VCAN: variants seen among roughly 807,000 people sequenced by gnomAD.
VCAN encodes versican core protein.
In VCAN, 44 loss-of-function variants were observed where a neutral mutation model predicts 245.5. That is an observed-to-expected ratio of 0.18 (90% CI 0.14 to 0.23). The LOEUF (loss-of-function observed/expected upper bound fraction) is 0.23, where lower values mean the gene tolerates loss of function less well. Among genes scored for constraint, VCAN ranks in the 10% least tolerant of loss-of-function variants. VCAN has a pLI of 1.00. For missense variants in VCAN, 3,793 were observed against 4,057.9 expected (o/e 0.93, Z 1.77); for synonymous variants, 1,413 against 1,437.0 (o/e 0.98, Z 0.38).
At chr5:83,524,940 C>T (rs1484208610) in intron 7 of VCAN, among the ~76,000 whole-genome samples, 1 of 151,962 alleles carries the variant, frequency 6.6e-6, no homozygotes, top group Non-Finnish European at 1.5e-5. Flanking sequence ...ATAGAATACA[C>T]CTTTATATAT....
Position 83,519,925 on chromosome 5 carries a change from C to A in VCAN, c.1619C>A (p.Ser540Tyr). 1 of 1,614,092 alleles carries A rather than the reference C, an allele frequency of 6.2e-7. No individual in the cohort carries two copies. The change falls in exon 7 of 15, where the codon TCT (serine) becomes TAT (tyrosine). Residue 540 changes from serine to tyrosine, a missense_variant. Coordinates refer to ENST00000265077, the MANE Select transcript of VCAN (RefSeq NM_004385.5). ...KTEKKMVSTV[S>Y]ELVTTGHYGF... ...GAAAAGAAAATGGTAAGCACTGTTT[C>A]TGAATTGGTAACCACAGGTCACTAT...
rs1273423282 is a variant in VCAN at position 83,521,329 on chromosome 5, A to C, written c.3023A>C (p.Asp1008Ala). Residue 1008 changes from aspartate to alanine, a missense_variant, in exon 7 of 15, where the codon GAT (aspartate) becomes GCT (alanine). Coordinates refer to ENST00000265077, the MANE Select transcript of VCAN (RefSeq NM_004385.5). ...CCCTCTCAAGACATACTTGTCATTGATCAGACTCGCCTTGAAGCGACTATT... is the reference window on the plus strand; with the variant it reads ...CCCTCTCAAGACATACTTGTCATTGCTCAGACTCGCCTTGAAGCGACTATT... ...GEPSQDILVI[D>A]QTRLEATISP... 2.5e-6 allele frequency: 4 copies of C among 1,614,018 alleles called. No homozygotes were observed. The highest frequency in any genetic ancestry group is 3.4e-6 in the Non-Finnish European group (4 of 1,179,992).
chr5:83,479,469 C>T (rs1257862729), intron 1 of VCAN, among the ~76,000 whole-genome samples: 1 of 152,122 alleles, frequency 6.6e-6, no homozygotes, highest in East Asian at 1.9e-4. Flanking sequence ...GTACCCTGTA[C>T]CTGGATTGTT....
chr5:83,555,402 C>A (rs1451117828), intron 12 of VCAN, among the ~76,000 whole-genome samples: 1 of 152,168 alleles, frequency 6.6e-6, no homozygotes, highest in Non-Finnish European at 1.5e-5. Flanking sequence ...TAAAAAAATA[C>A]CTTTCCGTCT....
chr5:83,550,115 A>G (rs934455948), intron 10 of VCAN, among the ~76,000 whole-genome samples: 1 of 152,182 alleles, frequency 6.6e-6, no homozygotes, highest in African/African-American at 2.4e-5. Flanking sequence ...GCCCTTGCCA[A>G]AGTCAGTGAT....
In VCAN at chr5:83,541,893, G is replaced by A. The variant is rs867199496; in HGVS notation, c.8890G>A (p.Asp2964Asn). ...PEAGTVITTADEIELEGATQW... is the reference protein window; with the variant it reads ...PEAGTVITTANEIELEGATQW... ...GGCTGGAACTGTTATTACAACTGCC[G>A]ATGAAATTGAATTAGAAGGTGCTAC... Residue 2964 changes from aspartate to asparagine, a missense_variant, in exon 8 of 15, where the codon GAT (aspartate) becomes AAT (asparagine). This residue lies in a region of VCAN where 3,182 missense variants were observed against 3,250.3 expected (regional missense o/e 0.98). Transcript: ENST00000265077. The A allele has an allele frequency of 2.5e-6, 4 of 1,614,002 alleles. No individual in the cohort carries two copies. The highest frequency in any genetic ancestry group is 2.2e-5 in the East Asian group (1 of 44,856).
intron 7 of VCAN, among the ~76,000 whole-genome samples, chr5:83,523,809 G>T (rs1466873808): frequency 6.6e-6 from 1 of 152,002 alleles, no homozygotes; most frequent in Non-Finnish European, 1.5e-5. Context: ...CCATCTCTCG[G>T]AACTGGTGTA....
intron 2 of VCAN, among the ~76,000 whole-genome samples, chr5:83,489,267 G>A (rs970817275): frequency 1.3e-5 from 2 of 152,214 alleles, no homozygotes; most frequent in Admixed American, 1.3e-4. Context: ...GAGGCTGGAA[G>A]ATAGAGAGGA....
chr5:83,506,926 A>G (rs946069246), intron 5 of VCAN, among the ~76,000 whole-genome samples: 2 of 152,104 alleles, frequency 1.3e-5, no homozygotes, highest in African/African-American at 4.8e-5. Context: ...AGACTTATTA[A>G]CTATCATGAG....
chr5:83,538,861 C>A lies in VCAN; in HGVS notation c.5858C>A (p.Thr1953Lys). 6.2e-7 allele frequency: 1 copy of A among 1,613,964 alleles called. No individual in the cohort carries two copies. The highest frequency in any genetic ancestry group is 8.5e-7 in the Non-Finnish European group (1 of 1,179,952). The part of the protein sequence containing the change: ...TVSHPIAKEE[T>K]VMMEGSGDAA... ...TCTCATCCCATAGCAAAAGAAGAAA[C>A]GGTAATGATGGAAGGCTCTGGAGAT... Residue 1953 changes from threonine (T) to lysine (K), a missense_variant, in exon 8 of 15, where the codon ACG (threonine) becomes AAG (lysine). Around this residue, in one of 5 missense-constraint regions of VCAN, gnomAD observed 3,182 missense variants for 3,250.3 expected, o/e 0.98. Coordinates refer to ENST00000265077, the MANE Select transcript of VCAN (RefSeq NM_004385.5).
chr5:83,539,204 A>G lies in VCAN; in HGVS notation c.6201A>G (p.Glu2067=), dbSNP rs780184359. 1.2e-6 allele frequency: 2 copies of G among 1,614,008 alleles called. No individual in the cohort carries two copies. The highest frequency in any genetic ancestry group is 1.7e-6 in the Non-Finnish European group (2 of 1,179,974). ...RSTILPTAEV[E]GTKAPVEKEE... ...CCATTTTACCAACAGCAGAAGTGGA[A>G]GGTACGAAAGCTCCAGTAGAGAAGG... The change falls in exon 8 of 15, where the codon GAA becomes GAG. Residue 2067 remains glutamate, a synonymous_variant. Transcript: ENST00000265077.
intron 7 of VCAN, among the ~76,000 whole-genome samples, chr5:83,525,509 T>C (rs1396226087): frequency 6.6e-6 from 1 of 152,172 alleles, no homozygotes; most frequent in Non-Finnish European, 1.5e-5. Context: ...AATCAAAGAA[T>C]AATTTAGAAA....
Position 83,512,412 on chromosome 5 carries a change from C to A in VCAN, c.1042+16C>A, listed in dbSNP as rs1228614640. ...TGCTTTAAACGTAAGTGTTTGATAC[C>A]TTTTTAAAAATTACAGTTTTAAAAA... On this transcript the variant is annotated intron_variant, in intron 6 of 14. Transcript: ENST00000265077. 8.1e-6 allele frequency: 13 copies of A among 1,610,820 alleles called. No homozygotes were observed. Among genetic ancestry groups the A allele is most frequent in the Non-Finnish European group, 1.1e-5 (13 of 1,178,292 alleles).
At position 83,537,288 on chromosome 5, in the gene VCAN, G is replaced by A. The variant is rs1746758185; in HGVS notation, c.4285G>A (p.Ala1429Thr). ...GCCCAAGGACCCAGAAGCTGCAGAA[G>A]CTAGGCGTGGCCAGTTTGAAAGTGT... Reference protein sequence around the residue: ...TVPKDPEAAEARRGQFESVAP... With the variant: ...TVPKDPEAAETRRGQFESVAP... Residue 1429 changes from alanine (A) to threonine (T), a missense_variant, in exon 8 of 15, where the codon GCT becomes ACT. Coordinates refer to ENST00000265077, the MANE Select transcript of VCAN (RefSeq NM_004385.5). 1 of 1,613,910 alleles carries A rather than the reference G, an allele frequency of 6.2e-7. No homozygotes were observed. Among genetic ancestry groups the A allele is most frequent in the African/African-American group, 1.3e-5 (1 of 74,920 alleles).
intron 2 of VCAN, among the ~76,000 whole-genome samples, chr5:83,486,842 G>T (rs1000245754): frequency 3.9e-5 from 6 of 152,136 alleles, no homozygotes; most frequent in Non-Finnish European, 7.4e-5. Flanking sequence ...AGAGGTGAAA[G>T]TTACAAATAT....
chr5:83,580,055 C>T lies in VCAN; in HGVS notation c.9956C>T (p.Ser3319Phe). 2 of 1,614,088 alleles carry T rather than the reference C, an allele frequency of 1.2e-6. No individual in the cohort carries two copies. The highest frequency in any genetic ancestry group is 1.7e-6 in the Non-Finnish European group (2 of 1,179,986). The part of the protein sequence containing the change: ...GKMKPRYEIN[S>F]LIRYHCKDGF... ...ATGAAACCTCGTTATGAAATCAACT[C>T]CCTGATTAGATACCACTGCAAAGAT... The change falls in exon 14 of 15, where the codon TCC (serine) becomes TTC (phenylalanine). Residue 3319 changes from serine (S) to phenylalanine (F), a missense_variant. Physicochemically the swap from Ser to Phe is radical, Grantham distance 155 (BLOSUM62 -2). Coordinates refer to ENST00000265077, the MANE Select transcript of VCAN (RefSeq NM_004385.5).
intron 5 of VCAN, among the ~76,000 whole-genome samples, chr5:83,504,384 A>AT (rs557999767): frequency 0.037 from 5,167 of 140,938 alleles, 338 homozygotes; most frequent in East Asian, 0.29. Context: ...ACCTTGATGA[A>AT]TTTTTTTTTT....
chr5:83,527,523 T>C (rs1382880898), intron 7 of VCAN, among the ~76,000 whole-genome samples: 1 of 152,246 alleles, frequency 6.6e-6, no homozygotes, highest in Admixed American at 6.5e-5. Context: ...TTGTCTTCCT[T>C]TCCTTTCTGT....
At chr5:83,555,102 T>A (rs1580062737) in intron 12 of VCAN, 64 bp downstream of exon 12, 1 of 1,503,850 alleles carries the variant, frequency 6.6e-7, no homozygotes, top group East Asian at 2.3e-5. Context: ...GTGCACTGAT[T>A]GTGCATTACA....
Sources: allele counts gnomAD v4.1 joint callset (sites outside exome capture counted in the v4.1 genomes callset), GRCh38; gene constraint gnomAD v4.1.1; regional missense constraint gnomAD v4.1.1; transcripts MANE v1.5; gene names NCBI Gene and HGNC (gene_info 2026-07-23, HGNC 2026-07-21).